Variants in SPOCK3 observed in about 807,000 individuals in gnomAD.
SPOCK3 encodes the protein testican-3.
A neutral mutation model predicts 56.6 loss-of-function variants in SPOCK3; 30 were observed. The ratio of observed to expected loss-of-function variants is 0.53; its 90% confidence interval spans 0.40 to 0.72. The LOEUF (loss-of-function observed/expected upper bound fraction) is 0.72. SPOCK3 is among the 30% of genes least tolerant of loss of function. The probability of loss-of-function intolerance (pLI) is 0.00; values close to 1 mark genes in which losing one functional copy is unlikely to be tolerated. For missense variants in SPOCK3, 527 were observed against 530.0 expected, an observed-to-expected ratio of 0.99 and a Z score of 0.06; for synonymous variants, 196 against 183.3, an observed-to-expected ratio of 1.07 and a Z score of -0.56.
intron 4 of SPOCK3, among the ~76,000 whole-genome samples, chr4:166,937,357 G>A (rs991170052): frequency 6.6e-6 from 1 of 150,378 alleles, no homozygotes; most frequent in African/African-American, 2.4e-5. Flanking sequence ...TGTGTAAGGT[G>A]TATATATACA....
rs187102508 is a variant in SPOCK3 at position 167,073,380 on chromosome 4, C to T, written c.190-10843G>A. Reference sequence around the variant, plus strand: ...ACTAAATACTGTATAAAATAAATAACGGTCATCATAAATGAAAGTAAAATA... The same window carrying T: ...ACTAAATACTGTATAAAATAAATAATGGTCATCATAAATGAAAGTAAAATA... On this transcript the variant is annotated intron_variant, in intron 2 of 10. Coordinates refer to ENST00000357545, the MANE Select transcript of SPOCK3 (RefSeq NM_001040159.2). 5.9e-5 allele frequency among the ~76,000 whole-genome samples: 9 copies of T among 151,714 alleles called. 1 individual carries two copies. The South Asian group carries it at 8.3e-4, about 14-fold the overall frequency.
intron 6 of SPOCK3, among the ~76,000 whole-genome samples, chr4:166,873,971 C>T (rs561086500): frequency 6.6e-6 from 1 of 152,086 alleles, no homozygotes; most frequent in Non-Finnish European, 1.5e-5. Flanking sequence ...AAGTGTCTCT[C>T]GTGTGTACAT....
intron 2 of SPOCK3, among the ~76,000 whole-genome samples, chr4:167,222,606 TG>T (rs1033761144): frequency 7.3e-6 from 1 of 137,888 alleles, no homozygotes; most frequent in African/African-American, 2.6e-5. Context: ...TATACACATA[TG>T]TTATATATTT....
intron 2 of SPOCK3, among the ~76,000 whole-genome samples, chr4:167,210,789 C>T (rs1326280733): frequency 1.3e-5 from 2 of 151,910 alleles, no homozygotes; most frequent in East Asian, 1.9e-4. Flanking sequence ...ATGACTAGCT[C>T]GAGAGCAAAA....
chr4:166,957,090 C>T (rs533812146), intron 4 of SPOCK3, among the ~76,000 whole-genome samples: 10 of 152,134 alleles, frequency 6.6e-5, no homozygotes, highest in South Asian at 4.1e-4. Context: ...TCTGTCTCTA[C>T]GAAAAATACA....
chr4:166,832,198 T>C (rs1309833794), intron 6 of SPOCK3, among the ~76,000 whole-genome samples: 1 of 152,132 alleles, frequency 6.6e-6, no homozygotes, highest in Non-Finnish European at 1.5e-5. Flanking sequence ...TGCTTTCTTT[T>C]AGGATTCTTA....
chr4:166,739,231 C>A (rs1734570572), intron 9 of SPOCK3, among the ~76,000 whole-genome samples: 1 of 151,902 alleles, frequency 6.6e-6, no homozygotes, highest in Non-Finnish European at 1.5e-5. Flanking sequence ...TGATGGTGAG[C>A]ATTTATTTAT....
At chr4:166,750,486 C>A (rs989352620) in intron 8 of SPOCK3, among the ~76,000 whole-genome samples, 1 of 151,588 alleles carries the variant, frequency 6.6e-6, no homozygotes, top group Non-Finnish European at 1.5e-5. Context: ...GTATGAGAAT[C>A]ACAAATTAAT....
At chr4:166,767,693 T>A (rs1404902723) in intron 7 of SPOCK3, among the ~76,000 whole-genome samples, 1 of 152,172 alleles carries the variant, frequency 6.6e-6, no homozygotes, top group East Asian at 1.9e-4. Flanking sequence ...GTTCCGTAGA[T>A]GTCTATTAGG....
intron 2 of SPOCK3, among the ~76,000 whole-genome samples, chr4:167,068,857 C>T (rs1210901664): frequency 6.6e-6 from 1 of 151,746 alleles, no homozygotes; most frequent in East Asian, 1.9e-4. Flanking sequence ...TAAAGAGAAA[C>T]CTATTCAAAG....
chr4:166,776,786 T>C (rs11935662), intron 7 of SPOCK3, among the ~76,000 whole-genome samples: 30,931 of 152,058 alleles, frequency 0.2, 3,736 homozygotes, highest in Non-Finnish European at 0.27. Context: ...GAAAGAAATA[T>C]AACCACCTAA....
intron 2 of SPOCK3, among the ~76,000 whole-genome samples, chr4:167,114,882 A>T (rs538539287): frequency 2.0e-5 from 3 of 152,110 alleles, no homozygotes; most frequent in African/African-American, 7.2e-5. Flanking sequence ...TCCAGCATTC[A>T]TGGAAAGTTA....
At chr4:166,993,132 A>G (rs1441230464) in intron 4 of SPOCK3, among the ~76,000 whole-genome samples, 1 of 152,152 alleles carries the variant, frequency 6.6e-6, no homozygotes. Flanking sequence ...GCCAGTATAT[A>G]TTGCAAGCAG....
chr4:166,800,208 G>GAAAAAAAAAAAAAAAAAAAAAAAAAAAAA (rs1207796263), intron 6 of SPOCK3, among the ~76,000 whole-genome samples: 25 of 113,014 alleles, frequency 2.2e-4, no homozygotes, highest in African/African-American at 7.6e-4. Flanking sequence ...AAAAAAAAAT[G>GAAAAAAAAAAAAAAAAAAAAAAAAAAAAA]AAAACATGGA....
intron 2 of SPOCK3, among the ~76,000 whole-genome samples, chr4:167,087,232 C>A (rs1758280333): frequency 6.6e-6 from 1 of 152,058 alleles, no homozygotes; most frequent in Non-Finnish European, 1.5e-5. Flanking sequence ...AGTGAGAAAA[C>A]TGAAACATAG....
intron 2 of SPOCK3, among the ~76,000 whole-genome samples, chr4:167,223,926 C>A (rs958980697): frequency 6.6e-6 from 1 of 151,994 alleles, no homozygotes; most frequent in Admixed American, 6.6e-5. Flanking sequence ...TTAGTACTTA[C>A]CTCATTTGAT....
At chr4:166,943,518 AAC>A (rs1486932969) in intron 4 of SPOCK3, among the ~76,000 whole-genome samples, 1 of 152,244 alleles carries the variant, frequency 6.6e-6, no homozygotes, top group Non-Finnish European at 1.5e-5. Flanking sequence ...ACATCATGAA[AAC>A]ACAGAAATGT....
At chr4:166,851,961 G>T (rs1168346921) in intron 6 of SPOCK3, among the ~76,000 whole-genome samples, 3 of 151,678 alleles carry the variant, frequency 2.0e-5, no homozygotes, top group African/African-American at 7.3e-5. Context: ...GGAATACTAT[G>T]CAGCCATAAA....
intron 6 of SPOCK3, among the ~76,000 whole-genome samples, chr4:166,879,656 C>T (rs1231631997): frequency 6.6e-6 from 1 of 152,170 alleles, no homozygotes; most frequent in African/African-American, 2.4e-5. Flanking sequence ...GTTCTTTGAA[C>T]TCCACTGAAA....
Sources: gnomAD v4.1 joint callset for allele counts (sites outside exome capture counted in the v4.1 genomes callset) on GRCh38, gnomAD v4.1.1 for gene constraint, MANE v1.5 for transcripts, NCBI Gene and HGNC (gene_info 2026-07-23, HGNC 2026-07-21) for gene names.